BRWD3: variants seen among roughly 807,000 people sequenced by gnomAD.
BRWD3 encodes bromodomain and WD repeat-containing protein 3.
Under a neutral mutation model 149.7 loss-of-function variants are expected in BRWD3, and 10 were observed. The ratio of observed to expected loss-of-function variants is 0.07; its 90% CI spans 0.04 to 0.11. BRWD3 has a LOEUF of 0.11. Among genes scored for constraint, BRWD3 ranks in the 10% least tolerant of loss-of-function variants. The pLI, the probability that BRWD3 is intolerant of heterozygous loss-of-function variation, is 1.00. For missense variants in BRWD3, 940 were observed against 1,373.2 expected (o/e 0.68, Z 4.99); for synonymous variants, 504 against 456.7 (o/e 1.10, Z -1.32).
intron 4 of BRWD3, among the ~76,000 whole-genome samples, chrX:80,800,019 A>C (rs778912328): frequency 6.7e-4 from 74 of 110,951 alleles, no homozygotes; most frequent in Non-Finnish European, 1.3e-3. Flanking sequence ...AAACAAATTA[A>C]GCTGCAAGTG....
intron 4 of BRWD3, among the ~76,000 whole-genome samples, chrX:80,804,040 G>A: frequency 8.9e-6 from 1 of 111,758 alleles, no homozygotes; most frequent in East Asian, 2.8e-4. Context: ...TATTTTTTAA[G>A]GACAATAACA....
intron 6 of BRWD3, among the ~76,000 whole-genome samples, chrX:80,776,879 C>T (rs1043902369): frequency 2.7e-5 from 3 of 111,051 alleles, no homozygotes; most frequent in African/African-American, 9.8e-5. Context: ...TAGAACTGAT[C>T]CTGGCTTCCA....
intron 5 of BRWD3, among the ~76,000 whole-genome samples, chrX:80,792,761 T>C (rs1004337287): frequency 3.6e-5 from 4 of 111,429 alleles, no homozygotes; most frequent in African/African-American, 1.3e-4. Context: ...TAATTTTACA[T>C]TTTTATGTTT....
At chrX:80,700,088 T>TA (rs2072759466) in intron 24 of BRWD3, 24 bp from the exon 25 acceptor site, 2 of 1,088,847 alleles carry the variant, frequency 1.8e-6, no homozygotes, top group Non-Finnish European at 2.5e-6. Flanking sequence ...CATAAGGTAT[T>TA]AAACAGCAGC....
At chrX:80,692,259 T>G in intron 28 of BRWD3, 109 bp from the exon 29 acceptor site, 2 of 670,814 alleles carry the variant, frequency 3.0e-6, no homozygotes, top group Non-Finnish European at 4.7e-6. Flanking sequence ...AAAAGGGCAA[T>G]ACAGTTGTCT....
At chrX:80,723,930 T>C in intron 15 of BRWD3, 54 bp from the exon 16 acceptor site, 1 of 1,142,204 alleles carries the variant, frequency 8.8e-7, no homozygotes, top group South Asian at 1.8e-5. Context: ...AAATAATAGA[T>C]AGGCGGTAAC....
chrX:80,771,224 T>C, intron 6 of BRWD3, among the ~76,000 whole-genome samples: 1 of 111,606 alleles, frequency 9.0e-6, no homozygotes, highest in South Asian at 3.7e-4. Context: ...TACCAATAAC[T>C]TTCTTCACAG....
At chrX:80,791,991 GTT>G in intron 5 of BRWD3, 39 bp from the exon 6 acceptor site, 2 of 801,706 alleles carry the variant, frequency 2.5e-6, no homozygotes, top group Non-Finnish European at 3.5e-6. Context: ...GAATAGAGCA[GTT>G]TTTTTTTTAA....
intron 40 of BRWD3, among the ~76,000 whole-genome samples, chrX:80,678,824 C>G (rs2072405125): frequency 9.0e-6 from 1 of 111,004 alleles, no homozygotes; most frequent in Non-Finnish European, 1.9e-5. Flanking sequence ...GAATTGTGTC[C>G]CTTCAAAATT....
intron 27 of BRWD3, among the ~76,000 whole-genome samples, chrX:80,693,306 C>CT (rs1229504227): frequency 1.6e-4 from 18 of 111,848 alleles, no homozygotes; most frequent in Non-Finnish European, 2.3e-4. Context: ...CATAATTTAA[C>CT]TTTTTTCAAT....
At chrX:80,720,417 G>C (rs1237188571) in intron 17 of BRWD3, among the ~76,000 whole-genome samples, 1 of 110,933 alleles carries the variant, frequency 9.0e-6, no homozygotes, top group Admixed American at 9.7e-5. Context: ...CTTTTAAAAA[G>C]TTTAAAAAGT....
chrX:80,716,113 A>C (rs1463789912), intron 20 of BRWD3, 44 bp downstream of exon 20: 1 of 1,048,760 alleles, frequency 9.5e-7, no homozygotes, highest in South Asian at 1.9e-5. Flanking sequence ...ATCTACAAAT[A>C]TCTGCAAATA....
intron 6 of BRWD3, among the ~76,000 whole-genome samples, chrX:80,754,399 T>C (rs777185226): frequency 9.0e-6 from 1 of 111,632 alleles, no homozygotes; most frequent in Admixed American, 9.6e-5. Context: ...AATCTAGGAG[T>C]CCTTTGGAGG....
chrX:80,804,114 A>G (rs752840206), intron 4 of BRWD3, among the ~76,000 whole-genome samples: 1 of 112,719 alleles, frequency 8.9e-6, no homozygotes, highest in Non-Finnish European at 1.9e-5. Context: ...TGCATATAAA[A>G]TGAGGGTAAT....
At chrX:80,753,479 C>A (rs1194617347) in intron 6 of BRWD3, among the ~76,000 whole-genome samples, 1 of 110,248 alleles carries the variant, frequency 9.1e-6, no homozygotes, top group East Asian at 2.9e-4. Context: ...CCATGTTGGG[C>A]AGGCTGGTCT....
intron 39 of BRWD3, 70 bp downstream of exon 39, chrX:80,681,927 G>A: frequency 1.1e-6 from 1 of 889,415 alleles, no homozygotes; most frequent in East Asian, 3.1e-5. Flanking sequence ...AAACCATGCT[G>A]CCTCTTCTAT....
chrX:80,738,911 A>C (rs1244200201), intron 8 of BRWD3, among the ~76,000 whole-genome samples: 1 of 111,957 alleles, frequency 8.9e-6, no homozygotes, highest in Non-Finnish European at 1.9e-5. Flanking sequence ...CTGAGAATAC[A>C]GAGCACTGTG....
intron 40 of BRWD3, among the ~76,000 whole-genome samples, chrX:80,680,652 T>G (rs964624102): frequency 9.0e-6 from 1 of 111,428 alleles, no homozygotes; most frequent in Non-Finnish European, 1.9e-5. Flanking sequence ...ACTCATATTT[T>G]TACTGCAGTG....
chrX:80,705,723 T>C (rs898538986), intron 22 of BRWD3, among the ~76,000 whole-genome samples: 2 of 112,011 alleles, frequency 1.8e-5, no homozygotes, highest in African/African-American at 3.2e-5. Context: ...TTTAACACAA[T>C]GCTAAGTATA....
Sources: allele counts gnomAD v4.1 joint callset (sites outside exome capture counted in the v4.1 genomes callset), GRCh38; gene constraint gnomAD v4.1.1; transcripts MANE v1.5; gene names NCBI Gene and HGNC (gene_info 2026-07-23, HGNC 2026-07-21).